The following PPP6R2 variants were observed in gnomAD, a reference collection of about 807,000 sequenced individuals.
PPP6R2 encodes serine/threonine-protein phosphatase 6 regulatory subunit 2.
In PPP6R2, 62 loss-of-function variants were observed where a neutral mutation model predicts 100.2. The ratio of observed to expected loss-of-function variants is 0.62; its 90% CI spans 0.50 to 0.76. The LOEUF (loss-of-function observed/expected upper bound fraction) is 0.76. Ranked by LOEUF, PPP6R2 falls within the 30% of genes least tolerant of loss-of-function variation. PPP6R2 has a pLI of 0.00. For synonymous variants in PPP6R2, 525 were observed against 514.7 expected (o/e 1.02, Z -0.27); for missense variants, 1,142 against 1,276.3 (o/e 0.89, Z 1.60).
intron 4 of PPP6R2, among the ~76,000 whole-genome samples, chr22:50,410,902 C>G (rs2059655180): frequency 6.6e-6 from 1 of 152,010 alleles, no homozygotes; most frequent in African/African-American, 2.4e-5. Context: ...AGTGATTCTC[C>G]TGCCTCAGCC....
chr22:50,423,691 G>C lies in PPP6R2; in HGVS notation c.1125+77G>C, dbSNP rs2061622427. The C allele has an allele frequency of 5.8e-6, 9 of 1,549,502 alleles. No homozygotes were observed. The highest frequency in any genetic ancestry group is 7.9e-6 in the Non-Finnish European group (9 of 1,134,012). On this transcript the variant is annotated intron_variant, in intron 10 of 23. Coordinates refer to ENST00000612753, the MANE Select transcript of PPP6R2 (RefSeq NM_001242898.2). This position sits in a 1 kb window ranked among gnomAD's most constrained non-coding sequence, Gnocchi z 4.8. ...GCCTGTGGACTTGTCAGGAGCAGCA[G>C]AGCAGGGCCCCAGCATTTGGACAAA...
At chr22:50,391,699 G>A (rs2055590955) in intron 2 of PPP6R2, among the ~76,000 whole-genome samples, 1 of 127,202 alleles carries the variant, frequency 7.9e-6, no homozygotes, top group African/African-American at 2.6e-5. Flanking sequence ...CTGGTATCTT[G>A]CTGTTTTTTT....
In PPP6R2 at chr22:50,414,419, T is replaced by A. The variant is rs1270445849; in HGVS notation, c.415-133T>A. Reference sequence around the variant, plus strand: ...GTCCCTTGAGGGGGCTTTCTTACAATCTTGTCTGGGTCTTTCCGTTATTTC... The same window carrying A: ...GTCCCTTGAGGGGGCTTTCTTACAAACTTGTCTGGGTCTTTCCGTTATTTC... On this transcript the variant is annotated intron_variant, in intron 4 of 23. Transcript: ENST00000612753. The A allele has an allele frequency of 8.7e-6, 8 of 920,458 alleles. No homozygotes were observed. The African/African-American group carries it at 1.2e-4, about 14-fold the overall frequency. 57.0% of individuals were successfully genotyped at this position (920,458 alleles called of 1,614,324 possible).
At chr22:50,398,174 T>C in intron 3 of PPP6R2, among the ~76,000 whole-genome samples, 1 of 150,836 alleles carries the variant, frequency 6.6e-6, no homozygotes, top group African/African-American at 2.4e-5. Flanking sequence ...CTCTTTTTTT[T>C]TTTTTTTTTT....
chr22:50,444,028 A>G lies in PPP6R2; in HGVS notation c.2742A>G (p.Ala914=). 1 of 1,613,444 alleles carries G rather than the reference A, an allele frequency of 6.2e-7. No homozygotes were observed. Among genetic ancestry groups the G allele is most frequent in the Non-Finnish European group, 8.5e-7 (1 of 1,179,936 alleles). Residue 914 remains alanine, a synonymous_variant, in exon 23 of 24, where the codon GCA becomes GCG. Coordinates refer to ENST00000612753, the MANE Select transcript of PPP6R2 (RefSeq NM_001242898.2). ...PAIPTPAVSS[A]LAVAVPLGPI... ...TACCCACCCCAGCAGTCTCTTCTGC[A>G]CTGGCCGTGGCGGTCCCCCTAGGGC... is the stretch of plus-strand genomic sequence containing the variant.
intron 4 of PPP6R2, 148 bp from the exon 5 acceptor site, chr22:50,414,404 G>A: frequency 2.9e-6 from 2 of 678,472 alleles, no homozygotes; most frequent in Middle Eastern, 4.1e-4. Flanking sequence ...GTCCCTTGAG[G>A]GGGCTTTCTT....
intron 19 of PPP6R2, among the ~76,000 whole-genome samples, 179 bp downstream of exon 19, chr22:50,438,941 C>G (rs994927951): frequency 6.6e-6 from 1 of 152,208 alleles, no homozygotes; most frequent in Non-Finnish European, 1.5e-5. Context: ...TGCGCTGTGC[C>G]CAGCGCAAGG....
At chr22:50,393,833 G>A in intron 2 of PPP6R2, 60 bp from the exon 3 acceptor site, 1 of 1,600,254 alleles carries the variant, frequency 6.2e-7, no homozygotes, top group South Asian at 1.1e-5. Flanking sequence ...CTTGGGTCTA[G>A]TGTTGCTGAA....
chr22:50,340,523 T>G (rs577406538), upstream of PPP6R2, among the ~76,000 whole-genome samples: 43 of 137,566 alleles, frequency 3.1e-4, no homozygotes, highest in East Asian at 1.3e-3. Flanking sequence ...GTGGTGTGTG[T>G]GGGGGGTATG....
chr22:50,422,651 C>T (rs1459218790), intron 9 of PPP6R2, among the ~76,000 whole-genome samples: 2 of 152,148 alleles, frequency 1.3e-5, no homozygotes, highest in African/African-American at 4.8e-5. Flanking sequence ...GTTGGGGGCA[C>T]CTAGCTAAGG....
At chr22:50,382,213 A>G (rs1443631518) in intron 2 of PPP6R2, among the ~76,000 whole-genome samples, 1 of 152,234 alleles carries the variant, frequency 6.6e-6, no homozygotes, top group Non-Finnish European at 1.5e-5. Flanking sequence ...ACTATTATGT[A>G]TGTAGAAAAT....
the PPP6R2 span, among the ~76,000 whole-genome samples, chr22:50,334,099 T>C: frequency 6.6e-6 from 1 of 152,270 alleles, no homozygotes; most frequent in Non-Finnish European, 1.5e-5. Flanking sequence ...GGGCGGAACA[T>C]GAAAGTGGAC....
At chr22:50,334,599 C>T in the PPP6R2 span, among the ~76,000 whole-genome samples, 13 of 152,084 alleles carry the variant, frequency 8.5e-5, no homozygotes, top group Admixed American at 2.0e-4. Flanking sequence ...GGTGGCTTGC[C>T]GCCCACAATT....
At chr22:50,441,805 C>G (rs974279876) in intron 22 of PPP6R2, among the ~76,000 whole-genome samples, 4 of 152,148 alleles carry the variant, frequency 2.6e-5, no homozygotes, top group African/African-American at 9.7e-5. Flanking sequence ...CTTCAGTAAA[C>G]AGATACCTCT....
chr22:50,431,335 A>G lies in PPP6R2; in HGVS notation c.1288A>G (p.Thr430Ala). 6.2e-7 allele frequency: 1 copy of G among 1,612,636 alleles called. No individual in the cohort carries two copies. Among genetic ancestry groups the G allele is most frequent in the Non-Finnish European group, 8.5e-7 (1 of 1,179,930 alleles). Reference protein sequence around the residue: ...PHENGNRSLETPQPAASLPDN... With the variant: ...PHENGNRSLEAPQPAASLPDN... ...TGAGAACGGGAACCGGAGCCTGGAG[A>G]CTCCCCAGCCGGCCGCCAGCCTCCC... The change falls in exon 11 of 24, where the codon ACT becomes GCT. Residue 430 changes from threonine to alanine, a missense_variant. Around this residue, in one of 2 missense-constraint regions of PPP6R2, gnomAD observed 592 missense variants for 758.9 expected, o/e 0.78. Coordinates refer to ENST00000612753, the MANE Select transcript of PPP6R2 (RefSeq NM_001242898.2). The surrounding 1 kb of genome is among the most constrained non-coding windows in gnomAD (Gnocchi z 4.8).
chr22:50,418,945 C>A lies in PPP6R2; in HGVS notation c.697C>A (p.Leu233Met). Reference sequence around the variant, plus strand: ...CCAGGGCAGTCAGCTGCAAGAGGCTCTGGAGCCAGACCCGCTCCTCACAGC... The same window carrying A: ...CCAGGGCAGTCAGCTGCAAGAGGCTATGGAGCCAGACCCGCTCCTCACAGC... ...RDQGSQLQEALEPDPLLTALE... is the reference protein window; with the variant it reads ...RDQGSQLQEAMEPDPLLTALE... The change falls in exon 7 of 24, where the codon CTG (leucine) becomes ATG (methionine). Residue 233 changes from leucine (L) to methionine (M), a missense_variant. Coordinates refer to ENST00000612753, the MANE Select transcript of PPP6R2 (RefSeq NM_001242898.2). The A allele has an allele frequency of 6.2e-7, 1 of 1,613,922 alleles. No homozygotes were observed. The highest frequency in any genetic ancestry group is 1.3e-5 in the African/African-American group (1 of 75,062).
chr22:50,406,850 A>G lies in PPP6R2; in HGVS notation c.389A>G (p.Asn130Ser). The change falls in exon 4 of 24, where the codon AAT (asparagine) becomes AGT (serine). Residue 130 changes from asparagine (N) to serine (S), a missense_variant. This residue lies in a region of PPP6R2 where 592 missense variants were observed against 758.9 expected (regional missense o/e 0.78). Transcript: ENST00000612753. ...LASFFSKTIG[N>S]LIARKTEQVI... is the part of the protein sequence containing the mutation. ...AGTTTTTTCAGCAAGACCATTGGCA[A>G]TCTCATTGCAAGAAAAACCGAACAG... 1 of 1,614,118 alleles carries G rather than the reference A, an allele frequency of 6.2e-7. No individual in the cohort carries two copies.
intron 10 of PPP6R2, among the ~76,000 whole-genome samples, chr22:50,424,935 C>G (rs1323105762): frequency 6.6e-6 from 1 of 152,202 alleles, no homozygotes; most frequent in Non-Finnish European, 1.5e-5. Flanking sequence ...CCACTGCACC[C>G]AGCCCCTTTT....
At chr22:50,437,785 G>A (rs2064690505) in intron 16 of PPP6R2, 58 bp from the exon 17 acceptor site, 11 of 1,532,050 alleles carry the variant, frequency 7.2e-6, no homozygotes, top group African/African-American at 1.4e-5. Flanking sequence ...GAGCACTGAG[G>A]CCCCAGATGA....
Sources: gnomAD v4.1 joint callset for allele counts (sites outside exome capture counted in the v4.1 genomes callset) on GRCh38, gnomAD v4.1.1 for gene constraint, gnomAD v4.1.1 regional missense constraint, Gnocchi (gnomAD v3.1) non-coding constraint, MANE v1.5 for transcripts, NCBI Gene and HGNC (gene_info 2026-07-23, HGNC 2026-07-21) for gene names.